The following MCTP2 variants were observed in gnomAD, a reference collection of about 807,000 sequenced individuals.
MCTP2 encodes multiple C2 and transmembrane domain-containing protein 2.
A neutral mutation model predicts 111.6 loss-of-function variants in MCTP2; 132 were observed. That is an observed-to-expected ratio of 1.18 (90% CI 1.03 to 1.37). The LOEUF (loss-of-function observed/expected upper bound fraction) is 1.37, where lower values mean the gene tolerates loss of function less well. Ranked by LOEUF, MCTP2 falls within the 40% of genes most tolerant of loss-of-function variation. MCTP2 has a pLI of 0.00. For synonymous variants in MCTP2, 395 were observed against 387.7 expected (o/e 1.02, Z -0.22); for missense variants, 1,183 against 1,067.9 (o/e 1.11, Z -1.50).
intron 1 of MCTP2, among the ~76,000 whole-genome samples, chr15:94,268,259 C>G (rs1309635099): frequency 6.7e-6 from 1 of 150,246 alleles, no homozygotes; most frequent in Non-Finnish European, 1.5e-5. Flanking sequence ...TCGGCCACTG[C>G]AACCTCCGCC....
At chr15:94,242,180 A>G (rs1262682720) in intron 1 of MCTP2, among the ~76,000 whole-genome samples, 1 of 152,122 alleles carries the variant, frequency 6.6e-6, no homozygotes, top group East Asian at 1.9e-4. Flanking sequence ...TTACTGGGGA[A>G]AGACTGGGTT....
At chr15:94,260,002 G>A (rs773569897) in intron 1 of MCTP2, among the ~76,000 whole-genome samples, 3 of 152,144 alleles carry the variant, frequency 2.0e-5, no homozygotes, top group Non-Finnish European at 2.9e-5. Context: ...TCTCTGCCCT[G>A]TTCTTAATCT....
At chr15:94,346,941 C>T (rs370371685) in intron 8 of MCTP2, among the ~76,000 whole-genome samples, 3 of 151,992 alleles carry the variant, frequency 2.0e-5, no homozygotes, top group Non-Finnish European at 2.9e-5. Context: ...GGTAGTTTCT[C>T]GAATTTGACT....
At chr15:94,271,895 C>A (rs1352502690) in intron 1 of MCTP2, among the ~76,000 whole-genome samples, 1 of 152,106 alleles carries the variant, frequency 6.6e-6, no homozygotes, top group Non-Finnish European at 1.5e-5. Flanking sequence ...TTACATTTAC[C>A]ATCCTAAAAT....
chr15:94,316,653 T>C (rs1567404825), intron 4 of MCTP2, among the ~76,000 whole-genome samples: 1 of 152,242 alleles, frequency 6.6e-6, no homozygotes, highest in Non-Finnish European at 1.5e-5. Context: ...ATTTTCAGCA[T>C]TGACATTAGT....
chr15:94,464,403 A>AATGTTGTTTATAACATCCTCTTATTTG (rs2085471933), intron 20 of MCTP2, among the ~76,000 whole-genome samples: 1 of 150,656 alleles, frequency 6.6e-6, no homozygotes, highest in African/African-American at 2.4e-5. Context: ...CCTCTTATTT[A>AATGTTGTTTATAACATCCTCTTATTTG]ATGTCAGTAA....
In MCTP2 at chr15:94,244,916, TTATA is replaced by T. The variant is rs1180767950; in HGVS notation, c.-66+13255_-66+13258del. 8.2e-4 allele frequency among the ~76,000 whole-genome samples: 118 copies of T among 144,562 alleles called. 7 individuals are homozygous for T. Among genetic ancestry groups the T allele is most frequent in the African/African-American group, 2.8e-3 (110 of 38,858 alleles). 94.8% of individuals were successfully genotyped at this position (144,562 alleles called of 152,430 possible). A position where few individuals can be genotyped will look rare whatever the true frequency, so the allele number is the denominator to read the frequency against. On this transcript the variant is annotated intron_variant, in intron 1 of 22. Transcript: ENST00000357742. ...TATACACATACATATGCACCTATGTTTATATACGTATATGTATACACATACATAT... is the reference window on the plus strand; with the variant it reads ...TATACACATACATATGCACCTATGTTTACGTATATGTATACACATACATAT...
At chr15:94,432,057 A>G (rs2083215031) in intron 17 of MCTP2, among the ~76,000 whole-genome samples, 1 of 152,204 alleles carries the variant, frequency 6.6e-6, no homozygotes, top group African/African-American at 2.4e-5. Flanking sequence ...GTATTCATAC[A>G]AAATCATTAG....
Position 94,303,969 on chromosome 15 carries a change from A to C in MCTP2, c.465+5239A>C, listed in dbSNP as rs77195780. ...AAGAGGAGGTAGAAAGGGGAAGACAAATTGGTCCTGGGCAAGGGCATCACT... is the reference window on the plus strand; with the variant it reads ...AAGAGGAGGTAGAAAGGGGAAGACACATTGGTCCTGGGCAAGGGCATCACT... On this transcript the variant is annotated intron_variant, in intron 2 of 22. Transcript: ENST00000357742. Among the ~76,000 whole-genome samples, 743 of 152,242 alleles carry C rather than the reference A, an allele frequency of 4.9e-3. 3 individuals carry two copies. The highest frequency in any genetic ancestry group is 0.017 in the African/African-American group (714 of 41,542).
chr15:94,425,536 C>T (rs892500536), intron 17 of MCTP2, among the ~76,000 whole-genome samples: 10 of 151,300 alleles, frequency 6.6e-5, no homozygotes, highest in African/African-American at 2.4e-4. Context: ...AGAATGATAC[C>T]AAGTTGATTA....
At chr15:94,375,496 T>A (rs1285965525) in intron 12 of MCTP2, among the ~76,000 whole-genome samples, 1 of 151,674 alleles carries the variant, frequency 6.6e-6, no homozygotes, top group African/African-American at 2.4e-5. Context: ...AATTTGGAGT[T>A]GCTTGCCTTC....
chr15:94,307,127 G>A (rs2075920268), intron 2 of MCTP2, among the ~76,000 whole-genome samples: 1 of 152,130 alleles, frequency 6.6e-6, no homozygotes, highest in African/African-American at 2.4e-5. Context: ...TTGTGCTGAT[G>A]CAGATCCAGA....
intron 1 of MCTP2, among the ~76,000 whole-genome samples, chr15:94,282,355 G>A (rs796460787): frequency 3.3e-5 from 5 of 152,168 alleles, no homozygotes; most frequent in African/African-American, 1.2e-4. Flanking sequence ...GCTTCCAATT[G>A]CAATCCAATT....
At chr15:94,298,167 T>G in intron 1 of MCTP2, 34 bp from the exon 2 acceptor site, 2 of 901,622 alleles carry the variant, frequency 2.2e-6, no homozygotes, top group Non-Finnish European at 3.2e-6. Context: ...TTTTTTTGTT[T>G]GTTTGTTTTT....
At chr15:94,335,388 G>T (rs569625351) in intron 4 of MCTP2, among the ~76,000 whole-genome samples, 1 of 152,190 alleles carries the variant, frequency 6.6e-6, no homozygotes, top group African/African-American at 2.4e-5. Flanking sequence ...CTACAAAGCC[G>T]TAAATACAAC....
In MCTP2 at chr15:94,386,807, C is replaced by CAAA. The variant is rs71965296; in HGVS notation, c.1788+1284_1788+1286dup. The stretch of plus-strand genomic sequence containing the variant: ...TTGCTTGGTGAACATGACTTAAAAA[C>CAAA]AAAACAAAACAAAACAAAACAACTC... On this transcript the variant is annotated intron_variant, in intron 14 of 22. Coordinates refer to ENST00000357742, the MANE Select transcript of MCTP2 (RefSeq NM_001385001.1). Among the ~76,000 whole-genome samples the CAAA allele has an allele frequency of 3.5e-4, 53 of 151,708 alleles. No homozygotes were observed. The East Asian group carries it at 1.0e-2, about 29-fold the overall frequency.
At chr15:94,454,852 G>T (rs867005416) in intron 19 of MCTP2, among the ~76,000 whole-genome samples, 3 of 152,006 alleles carry the variant, frequency 2.0e-5, no homozygotes, top group South Asian at 4.2e-4. Context: ...GTGGAGTCTC[G>T]CTCTGTGGCC....
chr15:94,305,002 C>A (rs1044620985), intron 2 of MCTP2, among the ~76,000 whole-genome samples: 2 of 152,044 alleles, frequency 1.3e-5, no homozygotes, highest in Non-Finnish European at 2.9e-5. Context: ...ATATTGTGTC[C>A]TTTAGGTGAC....
intron 2 of MCTP2, among the ~76,000 whole-genome samples, chr15:94,313,957 T>C (rs2076264143): frequency 6.6e-6 from 1 of 152,228 alleles, no homozygotes; most frequent in South Asian, 2.1e-4. Flanking sequence ...TTGGGAGGGA[T>C]CTGGCACAGT....
Sources: allele counts gnomAD v4.1 joint callset (sites outside exome capture counted in the v4.1 genomes callset), GRCh38; gene constraint gnomAD v4.1.1; transcripts MANE v1.5; gene names NCBI Gene and HGNC (gene_info 2026-07-23, HGNC 2026-07-21).